XNDC1N: variants seen among roughly 807,000 people sequenced by gnomAD.
The protein encoded by XNDC1N is XRCC1 N-terminal domain containing 1, N-terminal like.
the XNDC1N span, among the ~76,000 whole-genome samples, chr11:71,893,063 T>C: frequency 6.6e-6 from 1 of 152,244 alleles, no homozygotes; most frequent in Non-Finnish European, 1.5e-5. Context: ...CGTGTCAGAA[T>C]AAAGTAGAGT....
chr11:71,910,559 A>G, the XNDC1N span, among the ~76,000 whole-genome samples: 1 of 152,134 alleles, frequency 6.6e-6, no homozygotes, highest in Non-Finnish European at 1.5e-5. Flanking sequence ...TTCTGCTGGG[A>G]CACCCCACGG....
the XNDC1N span, among the ~76,000 whole-genome samples, chr11:71,887,818 A>G: frequency 6.6e-6 from 1 of 152,156 alleles, no homozygotes; most frequent in African/African-American, 2.4e-5. Flanking sequence ...ACCCGTCCAC[A>G]TTGTTGGGGT....
chr11:71,894,776 C>A, the XNDC1N span, among the ~76,000 whole-genome samples: 2 of 152,232 alleles, frequency 1.3e-5, no homozygotes, highest in Middle Eastern at 3.2e-3. Context: ...GGTCCTCCAA[C>A]ACCATTGGTT....
the XNDC1N span, among the ~76,000 whole-genome samples, chr11:71,926,760 G>C: frequency 6.6e-6 from 1 of 151,922 alleles, no homozygotes; most frequent in Non-Finnish European, 1.5e-5. Flanking sequence ...AATTAGCTGG[G>C]TGTGGTGGCA....
chr11:71,903,429 A>G, the XNDC1N span: 2 of 1,106,746 alleles, frequency 1.8e-6, no homozygotes, highest in South Asian at 1.2e-5. Context: ...GGTCCCCAAG[A>G]TGATTGTGGA....
chr11:71,871,891 G>C, the XNDC1N span, among the ~76,000 whole-genome samples: 1 of 152,122 alleles, frequency 6.6e-6, no homozygotes, highest in South Asian at 2.1e-4. Context: ...GGCTAAATGA[G>C]GGCCCTTTAC....
the XNDC1N span, among the ~76,000 whole-genome samples, chr11:71,881,379 C>T: frequency 4.8e-3 from 728 of 152,264 alleles, 6 homozygotes; most frequent in African/African-American, 0.017. Context: ...TAAAGTACCA[C>T]ATAATGGGTG....
chr11:71,922,896 T>C, the XNDC1N span, among the ~76,000 whole-genome samples: 1 of 152,278 alleles, frequency 6.6e-6, no homozygotes, highest in East Asian at 1.9e-4. Context: ...AATTGGGATA[T>C]TGTAGAACTT....
the XNDC1N span, among the ~76,000 whole-genome samples, chr11:71,899,731 C>T: frequency 2.6e-5 from 4 of 152,038 alleles, no homozygotes; most frequent in African/African-American, 9.7e-5. Context: ...CAAGTTTTCT[C>T]CCCATGTGAT....
chr11:71,892,020 TC>T, the XNDC1N span, among the ~76,000 whole-genome samples: 2 of 152,010 alleles, frequency 1.3e-5, no homozygotes, highest in Non-Finnish European at 2.9e-5. Flanking sequence ...ATCCTCTCCT[TC>T]CCTGGATATT....
At chr11:71,915,227 T>A in the XNDC1N span, among the ~76,000 whole-genome samples, 1 of 151,842 alleles carries the variant, frequency 6.6e-6, no homozygotes, top group Non-Finnish European at 1.5e-5. Context: ...GACGGGAGGA[T>A]CACGAGGTCA....
the XNDC1N span, among the ~76,000 whole-genome samples, chr11:71,902,467 C>T: frequency 1.3e-5 from 2 of 151,544 alleles, no homozygotes; most frequent in Admixed American, 6.6e-5. Flanking sequence ...TTGGGATTAC[C>T]GGCGTGAGCC....
chr11:71,901,451 G>T, the XNDC1N span, among the ~76,000 whole-genome samples: 1 of 151,894 alleles, frequency 6.6e-6, no homozygotes, highest in African/African-American at 2.4e-5. Context: ...AGAAAAAAAT[G>T]AGCCAGCCGT....
chr11:71,913,331 C>G, the XNDC1N span, among the ~76,000 whole-genome samples: 5 of 151,842 alleles, frequency 3.3e-5, no homozygotes, highest in Non-Finnish European at 7.4e-5. Context: ...GTGTTAACCC[C>G]CTGCGATATT....
chr11:71,881,518 C>A, the XNDC1N span, among the ~76,000 whole-genome samples: 1 of 152,088 alleles, frequency 6.6e-6, no homozygotes, highest in Non-Finnish European at 1.5e-5. Flanking sequence ...GCCATGTCCT[C>A]TTATGGCATT....
chr11:71,884,541 G>C, the XNDC1N span: 1 of 1,606,592 alleles, frequency 6.2e-7, no homozygotes, highest in East Asian at 2.2e-5. Context: ...CATTCAAATT[G>C]ATGGACAAAA....
chr11:71,892,544 C>A, the XNDC1N span, among the ~76,000 whole-genome samples: 1 of 152,126 alleles, frequency 6.6e-6, no homozygotes, highest in African/African-American at 2.4e-5. Flanking sequence ...TACGCCCACT[C>A]TACTTTCAGG....
At chr11:71,900,423 C>T in the XNDC1N span, among the ~76,000 whole-genome samples, 322 of 152,094 alleles carry the variant, frequency 2.1e-3, 1 homozygote, top group Non-Finnish European at 4.2e-3. Flanking sequence ...GTTTGGTTCC[C>T]TTCTCCTCAG....
the XNDC1N span, among the ~76,000 whole-genome samples, chr11:71,919,711 G>A: frequency 5.4e-5 from 8 of 147,432 alleles, no homozygotes; most frequent in Non-Finnish European, 7.4e-5. Flanking sequence ...TCCGCCTCCC[G>A]GGTTCACACC....
Sources: allele counts gnomAD v4.1 joint callset (sites outside exome capture counted in the v4.1 genomes callset), GRCh38; gene constraint gnomAD v4.1.1; transcripts MANE v1.5; gene names NCBI Gene and HGNC (gene_info 2026-07-23, HGNC 2026-07-21).